The following DYSF variants were observed in gnomAD, a reference collection of about 807,000 sequenced individuals.
The protein encoded by DYSF is dysferlin.
DYSF carries 212 observed loss-of-function variants against 274.9 expected under a neutral mutation model. That is an observed-to-expected ratio of 0.77 (90% CI 0.69 to 0.86). The LOEUF (loss-of-function observed/expected upper bound fraction) is 0.86. Ranked by LOEUF, DYSF falls within the 40% of genes least tolerant of loss-of-function variation. DYSF has a pLI of 0.00. For synonymous variants in DYSF, 1,091 were observed against 1,078.7 expected (o/e 1.01, Z -0.22); for missense variants, 2,666 against 2,783.2 (o/e 0.96, Z 0.95).
intron 40 of DYSF, among the ~76,000 whole-genome samples, chr2:71,617,881 T>TATAA (rs2093939091): frequency 1.1e-5 from 1 of 92,890 alleles, no homozygotes; most frequent in Admixed American, 1.2e-4. Flanking sequence ...AGAGGTGGGG[T>TATAA]GTGTGTGGTA....
intron 41 of DYSF, among the ~76,000 whole-genome samples, chr2:71,623,300 T>C (rs2094143994): frequency 6.6e-6 from 1 of 150,936 alleles, no homozygotes; most frequent in Admixed American, 6.6e-5. Context: ...GCATTAGGTA[T>C]ATCTCCCAAT....
At chr2:71,599,227 C>A (rs577842364) in intron 33 of DYSF, among the ~76,000 whole-genome samples, 64 of 152,272 alleles carry the variant, frequency 4.2e-4, no homozygotes, top group African/African-American at 1.5e-3. Flanking sequence ...ACAGGCAGGG[C>A]CTCTTACCAC....
rs2087195211 is a variant in DYSF at position 71,520,923 on chromosome 2, G to T, written c.1149+19G>T. 6.2e-7 allele frequency: 1 copy of T among 1,612,378 alleles called. No homozygotes were observed. Among genetic ancestry groups the T allele is most frequent in the Non-Finnish European group, 8.5e-7 (1 of 1,178,628 alleles). On this transcript the variant is annotated intron_variant, in intron 12 of 55. Coordinates refer to ENST00000410020, the MANE Select transcript of DYSF (RefSeq NM_001130987.2). ...AGCGCCTGTGAGTACATTTCCCTGG[G>T]TCTTCCTTACGGTCCCCCACGCGGC...
intron 1 of DYSF, among the ~76,000 whole-genome samples, chr2:71,457,317 A>G (rs1431776718): frequency 6.6e-6 from 1 of 152,234 alleles, no homozygotes; most frequent in African/African-American, 2.4e-5. Context: ...AGATAAGGAA[A>G]CTGAGGCATG....
chr2:71,501,936 T>G (rs962722720), intron 3 of DYSF, among the ~76,000 whole-genome samples: 2 of 152,174 alleles, frequency 1.3e-5, no homozygotes, highest in African/African-American at 4.8e-5. Flanking sequence ...CTAGATCATA[T>G]GCTAATTCTA....
At chr2:71,642,324 G>A (rs920510541) in intron 41 of DYSF, among the ~76,000 whole-genome samples, 1 of 152,170 alleles carries the variant, frequency 6.6e-6, no homozygotes, top group Admixed American at 6.5e-5. Flanking sequence ...TTCTGTGGGG[G>A]CATATGTGTG....
chr2:71,532,013 C>A lies in DYSF; in HGVS notation c.1381-3008C>A, dbSNP rs151270089. Reference sequence around the variant, plus strand: ...TTCACTAATTCAGGGTTCATGGTGACCTTATAGATCATAACTACCATGAAT... The same window carrying A: ...TTCACTAATTCAGGGTTCATGGTGAACTTATAGATCATAACTACCATGAAT... On this transcript the variant is annotated intron_variant, in intron 14 of 55. Coordinates refer to ENST00000410020, the MANE Select transcript of DYSF (RefSeq NM_001130987.2). Among the ~76,000 whole-genome samples the A allele has an allele frequency of 1.9e-3, 290 of 152,156 alleles. 1 individual carries two copies. The highest frequency in any genetic ancestry group is 6.2e-3 in the African/African-American group (256 of 41,500).
rs946840408 is a variant in DYSF, at chr2:71,511,935, G to A, written c.460+14G>A. The A allele has an allele frequency of 1.3e-6, 2 of 1,511,286 alleles. No homozygotes were observed. Among genetic ancestry groups the A allele is most frequent in the Non-Finnish European group, 1.8e-6 (2 of 1,111,418 alleles). The allele number at this position is 1,511,286 out of a possible 1,614,324, so 93.6% of individuals were successfully genotyped here. ...ATGTAGTGGCAGGTGGGTAGCCCAC[G>A]TTGGCCTGGCTGGGCCCCAGCAAGA... On this transcript the variant is annotated intron_variant, in intron 5 of 55. Transcript: ENST00000410020.
Position 71,679,200 on chromosome 2 carries a change from T to A in DYSF, c.6028T>A (p.Cys2010Ser). 1 of 1,614,072 alleles carries A rather than the reference T, an allele frequency of 6.2e-7. No individual in the cohort carries two copies. The highest frequency in any genetic ancestry group is 8.5e-7 in the Non-Finnish European group (1 of 1,179,948). ...GAAAACAGTGAAGGGCTGGTGGCCC[T>A]GTGTAGCAGAAGAGGGTGAGAAGAA... ...EQKTVKGWWP[C>S]VAEEGEKKIL... Residue 2010 changes from cysteine (C) to serine (S), a missense_variant, in exon 53 of 56, where the codon TGT (cysteine) becomes AGT (serine). Around this residue, in one of 3 missense-constraint regions of DYSF, gnomAD observed 1,460 missense variants for 1,502.1 expected, o/e 0.97. Coordinates refer to ENST00000410020, the MANE Select transcript of DYSF (RefSeq NM_001130987.2).
intron 3 of DYSF, among the ~76,000 whole-genome samples, chr2:71,489,831 C>T (rs975681458): frequency 6.6e-6 from 1 of 152,142 alleles, no homozygotes; most frequent in African/African-American, 2.4e-5. Context: ...TGCTCAGGGA[C>T]CCCACTGTCA....
intron 17 of DYSF, among the ~76,000 whole-genome samples, chr2:71,542,555 A>C (rs1417900753): frequency 6.6e-6 from 1 of 152,116 alleles, no homozygotes; most frequent in Non-Finnish European, 1.5e-5. Flanking sequence ...GGTACTTGAG[A>C]TTAGGGAGTG....
chr2:71,568,369 G>A, intron 26 of DYSF, 31 bp downstream of exon 26: 1 of 1,611,540 alleles, frequency 6.2e-7, no homozygotes, highest in Non-Finnish European at 8.5e-7. Context: ...GCTGGGGAGA[G>A]CCAGGCCAGG....
At chr2:71,677,492 A>G (rs1427651190) in intron 52 of DYSF, among the ~76,000 whole-genome samples, 1 of 152,162 alleles carries the variant, frequency 6.6e-6, no homozygotes, top group Non-Finnish European at 1.5e-5. Flanking sequence ...AAATACAAGA[A>G]TTTTCATATG....
In DYSF at chr2:71,596,538, G is replaced by A. The variant is rs368623062; in HGVS notation, c.3575-2026G>A. On this transcript the variant is annotated intron_variant, in intron 32 of 55. Coordinates refer to ENST00000410020, the MANE Select transcript of DYSF (RefSeq NM_001130987.2). The stretch of plus-strand genomic sequence containing the variant: ...GGAGCTGATGGTATCACAGCCAGAC[G>A]GTTTCATTAAATGCACAGATGCCTC... 2.4e-3 allele frequency among the ~76,000 whole-genome samples: 365 copies of A among 152,260 alleles called. 15 individuals carry two copies. The South Asian group carries it at 0.072, about 30-fold the overall frequency.
intron 40 of DYSF, among the ~76,000 whole-genome samples, chr2:71,617,680 T>C (rs1361024204): frequency 3.3e-5 from 2 of 59,926 alleles, no homozygotes; most frequent in South Asian, 5.5e-4. Context: ...GTGTGTGTGG[T>C]AGAGGTGGGG....
At position 71,574,281 on chromosome 2, in the gene DYSF, A is replaced by AGAT. The variant is rs1553361783; in HGVS notation, c.3314_3316dup (p.Asp1105dup). 1 of 1,614,080 alleles carries AGAT rather than the reference A, an allele frequency of 6.2e-7. No homozygotes were observed. Among genetic ancestry groups the AGAT allele is most frequent in the Admixed American group, 1.7e-5 (1 of 60,032 alleles). ...AGTTCCACCTCGAGTACCGCAAGACAGATGCCTTCCGCCGCCGCCGCTGGC... is the reference window on the plus strand; with the variant it reads ...AGTTCCACCTCGAGTACCGCAAGACAGATGATGCCTTCCGCCGCCGCCGCTGGC... On this transcript the variant is annotated inframe_insertion, in exon 30 of 56. Coordinates refer to ENST00000410020, the MANE Select transcript of DYSF (RefSeq NM_001130987.2).
At chr2:71,618,069 G>C (rs199508593) in intron 40 of DYSF, among the ~76,000 whole-genome samples, 3 of 41,022 alleles carry the variant, frequency 7.3e-5, no homozygotes, top group African/African-American at 8.5e-5. Context: ...GTAGAGATGG[G>C]GTGTGTGTGT....
chr2:71,460,929 G>A (rs1156420785), intron 1 of DYSF, among the ~76,000 whole-genome samples: 1 of 136,426 alleles, frequency 7.3e-6, no homozygotes, highest in Non-Finnish European at 1.5e-5. Context: ...GAATCATTGT[G>A]ATAGACAGGA....
chr2:71,543,119 G>A (rs893315262), intron 17 of DYSF, among the ~76,000 whole-genome samples: 1 of 151,334 alleles, frequency 6.6e-6, no homozygotes, highest in Admixed American at 6.6e-5. Context: ...CGGCTGCCGG[G>A]CGGAGGGGCT....
Sources: gnomAD v4.1 joint callset for allele counts (sites outside exome capture counted in the v4.1 genomes callset) on GRCh38, gnomAD v4.1.1 for gene constraint, gnomAD v4.1.1 regional missense constraint, MANE v1.5 for transcripts, NCBI Gene and HGNC (gene_info 2026-07-23, HGNC 2026-07-21) for gene names.